Variants in ME1 observed in about 807,000 individuals in gnomAD.
ME1 encodes NADP-dependent malic enzyme.
A neutral mutation model predicts 66.4 loss-of-function variants in ME1; 74 were observed. The ratio of observed to expected loss-of-function variants is 1.11; its 90% CI spans 0.92 to 1.35. ME1 has a LOEUF of 1.35. ME1 is among the 40% of genes most tolerant of loss of function. The pLI is 0.00. For synonymous variants in ME1, 251 were observed against 235.6 expected, an observed-to-expected ratio of 1.07 and a Z score of -0.60; for missense variants, 750 against 694.1, an observed-to-expected ratio of 1.08 and a Z score of -0.90.
chr6:83,318,288 C>A (rs1457675755), intron 5 of ME1, among the ~76,000 whole-genome samples: 4 of 135,972 alleles, frequency 2.9e-5, no homozygotes, highest in Non-Finnish European at 4.8e-5. Context: ...CAACAAAAGA[C>A]AAAATTGACA....
chr6:83,262,859 A>G (rs185034780), intron 6 of ME1, among the ~76,000 whole-genome samples: 91 of 152,348 alleles, frequency 6.0e-4, no homozygotes, highest in African/African-American at 2.2e-3. Flanking sequence ...ATCTTATTTC[A>G]TACTACAAGA....
At chr6:83,388,327 C>T (rs138323025) in intron 3 of ME1, among the ~76,000 whole-genome samples, 7 of 152,246 alleles carry the variant, frequency 4.6e-5, no homozygotes, top group African/African-American at 1.7e-4. Flanking sequence ...CTAAACTGAT[C>T]CGTCTGCCTT....
chr6:83,340,284 G>C (rs769071151), intron 5 of ME1, among the ~76,000 whole-genome samples: 3 of 152,052 alleles, frequency 2.0e-5, no homozygotes, highest in Non-Finnish European at 4.4e-5. Context: ...ACACAGGCTA[G>C]AATTTTCTGA....
chr6:83,285,117 A>C (rs1767373041), intron 6 of ME1, among the ~76,000 whole-genome samples: 1 of 152,190 alleles, frequency 6.6e-6, no homozygotes, highest in Admixed American at 6.5e-5. Context: ...ATGGGGGTAT[A>C]ATATATCACA....
intron 5 of ME1, among the ~76,000 whole-genome samples, chr6:83,319,838 A>G (rs1211788103): frequency 1.3e-5 from 2 of 152,188 alleles, no homozygotes; most frequent in Non-Finnish European, 2.9e-5. Context: ...TTAGAGCCAT[A>G]TGATTCCTAC....
In ME1 at chr6:83,330,280, T is replaced by C. The variant is rs114984392; in HGVS notation, c.601-14867A>G. ...TTTCTTTGTTACCATTTCTCATTTT[T>C]TGTTATGGATTCTATAAATAAATAA... On this transcript the variant is annotated intron_variant, in intron 5 of 13. Coordinates refer to ENST00000369705, the MANE Select transcript of ME1 (RefSeq NM_002395.6). Among the ~76,000 whole-genome samples the C allele has an allele frequency of 7.0e-3, 1,061 of 152,338 alleles. 11 individuals carry two copies. The highest frequency in any genetic ancestry group is 0.024 in the African/African-American group (1,015 of 41,578).
In ME1 at chr6:83,369,653, GAGGA is replaced by G. The variant is rs1340518163; in HGVS notation, c.363-17518_363-17515del. On this transcript the variant is annotated intron_variant, in intron 3 of 13. Transcript: ENST00000369705. ...AAAGAAAAGAAAAGAGAGACAGAGAGAGGAAGGAAGGAAGGAACGAAGGAAGGAA... is the reference window on the plus strand; with the variant it reads ...AAAGAAAAGAAAAGAGAGACAGAGAGAGGAAGGAAGGAACGAAGGAAGGAA... Among the ~76,000 whole-genome samples the G allele has an allele frequency of 3.5e-5, 5 of 141,502 alleles. No homozygotes were observed. The East Asian group carries it at 1.0e-3, about 29-fold the overall frequency. 92.8% of individuals were successfully genotyped at this position (141,502 alleles called of 152,430 possible).
intron 7 of ME1, among the ~76,000 whole-genome samples, chr6:83,244,410 G>C (rs748649556): frequency 6.6e-6 from 1 of 152,120 alleles, no homozygotes; most frequent in Non-Finnish European, 1.5e-5. Flanking sequence ...TATGAGGCTA[G>C]AGAAGTTTTG....
chr6:83,315,415 T>C lies in ME1; in HGVS notation c.601-2A>G. On this transcript the variant is annotated splice_acceptor_variant, in intron 5 of 13. Transcript: ENST00000369705. LOFTEE classifies it high-confidence loss of function. Reference sequence around the variant, plus strand: ...GTAGAGTGGATCTTTAAGTAACTCCTATTAAAAAAAGTTACCATAAAAATA... The same window carrying C: ...GTAGAGTGGATCTTTAAGTAACTCCCATTAAAAAAAGTTACCATAAAAATA... 1.9e-6 allele frequency: 3 copies of C among 1,539,788 alleles called. No homozygotes were observed. The highest frequency in any genetic ancestry group is 2.7e-6 in the Non-Finnish European group (3 of 1,126,546).
intron 3 of ME1, among the ~76,000 whole-genome samples, chr6:83,355,555 G>T (rs1350851861): frequency 6.6e-6 from 1 of 152,088 alleles, no homozygotes; most frequent in Admixed American, 6.6e-5. Flanking sequence ...TTCATTCATA[G>T]AAAGAATTAT....
At position 83,329,152 on chromosome 6, in the gene ME1, A is replaced by G. The variant is rs1583384680; in HGVS notation, c.601-13739T>C. On this transcript the variant is annotated intron_variant, in intron 5 of 13. Coordinates refer to ENST00000369705, the MANE Select transcript of ME1 (RefSeq NM_002395.6). ...TATTATAAGTATTTTTCTCATCACA[A>G]AAGCAATATTTGTTTATCAGAAATG... 3.9e-5 allele frequency among the ~76,000 whole-genome samples: 6 copies of G among 152,176 alleles called. No individual in the cohort carries two copies. In the South Asian group the frequency reaches 1.2e-3, roughly 32 times the overall value.
intron 9 of ME1, among the ~76,000 whole-genome samples, chr6:83,237,265 A>AAG (rs1358444784): frequency 2.8e-5 from 3 of 106,332 alleles, no homozygotes; most frequent in Admixed American, 1.9e-4. Context: ...GAAAGAAAGA[A>AAG]AGAAAGAAAG....
At chr6:83,383,597 A>C (rs975352883) in intron 3 of ME1, among the ~76,000 whole-genome samples, 1 of 151,890 alleles carries the variant, frequency 6.6e-6, no homozygotes, top group African/African-American at 2.4e-5. Flanking sequence ...CGTTGACAAT[A>C]AAAATGAACT....
intron 6 of ME1, among the ~76,000 whole-genome samples, chr6:83,290,033 T>C (rs1583359787): frequency 1.3e-5 from 2 of 152,338 alleles, no homozygotes; most frequent in Middle Eastern, 6.8e-3. Context: ...TTATCCTTTA[T>C]TAGTCTTGCT....
Position 83,227,324 on chromosome 6 carries a change from TTTTAC to T in ME1, c.1275+6_1275+10del. On this transcript the variant is annotated splice_donor_region_variant and intron_variant, in intron 11 of 13. Coordinates refer to ENST00000369705, the MANE Select transcript of ME1 (RefSeq NM_002395.6). ...TTGATTATTAAAATATCTGTTATAG[TTTTAC>T]TTTACCTTGGTTATTTTGTAGCACT... 1 of 1,507,352 alleles carries T rather than the reference TTTTAC, an allele frequency of 6.6e-7. No individual in the cohort carries two copies. Among genetic ancestry groups the T allele is most frequent in the Non-Finnish European group, 9.0e-7 (1 of 1,117,240 alleles). 93.4% of individuals were successfully genotyped at this position (1,507,352 alleles called of 1,614,324 possible). A position where few individuals can be genotyped will look rare whatever the true frequency, so the allele number is the denominator to read the frequency against.
chr6:83,411,054 G>T (rs1162239473), intron 1 of ME1, among the ~76,000 whole-genome samples: 1 of 152,178 alleles, frequency 6.6e-6, no homozygotes, highest in African/African-American at 2.4e-5. Context: ...AGGGAACTGG[G>T]CCAAGTTAAA....
chr6:83,302,337 A>T (rs1056769246), intron 6 of ME1, among the ~76,000 whole-genome samples: 39 of 152,186 alleles, frequency 2.6e-4, no homozygotes, highest in Non-Finnish European at 1.5e-5. Flanking sequence ...AGAGCAAAAA[A>T]AAAATAACTA....
intron 5 of ME1, among the ~76,000 whole-genome samples, chr6:83,326,148 G>A (rs1768286615): frequency 1.3e-5 from 2 of 152,096 alleles, no homozygotes; most frequent in Middle Eastern, 3.4e-3. Flanking sequence ...CAAGCAACGG[G>A]GAAAGGATTC....
At chr6:83,394,614 A>G (rs75937317) in intron 3 of ME1, among the ~76,000 whole-genome samples, 270 of 152,344 alleles carry the variant, frequency 1.8e-3, no homozygotes, top group African/African-American at 6.0e-3. Flanking sequence ...TCCACATTCA[A>G]TATTGCTTTC....
Sources: gnomAD v4.1 joint callset for allele counts (sites outside exome capture counted in the v4.1 genomes callset) on GRCh38, gnomAD v4.1.1 for gene constraint, MANE v1.5 for transcripts, NCBI Gene and HGNC (gene_info 2026-07-23, HGNC 2026-07-21) for gene names.